The following FBRSL1 variants were observed in gnomAD, a reference collection of about 807,000 sequenced individuals.
FBRSL1 encodes the protein fibrosin like 1.
A neutral mutation model predicts 89.6 loss-of-function variants in FBRSL1; 51 were observed. That is an observed-to-expected ratio of 0.57 (90% CI 0.45 to 0.72). FBRSL1 has a LOEUF of 0.72. Ranked by LOEUF, FBRSL1 falls within the 30% of genes least tolerant of loss-of-function variation. The probability of loss-of-function intolerance (pLI) is 0.00; values close to 1 mark genes in which losing one functional copy is unlikely to be tolerated. For missense variants in FBRSL1, 1,618 were observed against 1,451.8 expected, an observed-to-expected ratio of 1.11 and a Z score of -1.86; for synonymous variants, 779 against 681.1, an observed-to-expected ratio of 1.14 and a Z score of -2.24.
chr12:132,501,006 C>A (rs946520483), intron 1 of FBRSL1, among the ~76,000 whole-genome samples: 1 of 152,252 alleles, frequency 6.6e-6, no homozygotes, highest in Non-Finnish European at 1.5e-5. Flanking sequence ...GTGCCTCTCC[C>A]CAGGGACCAT....
In FBRSL1 at chr12:132,571,073, A is replaced by C; in HGVS notation, c.1219A>C (p.Ser407Arg). ...GTGTTCTCTCTTGCCTCTAGATGCC[A>C]GCCTGGCGGTCTCATTCAGCCAGCC... Reference protein sequence around the residue: ...LVLPGHPADASLAVSFSQPIM... With the variant: ...LVLPGHPADARLAVSFSQPIM... Residue 407 changes from serine (S) to arginine (R), a missense_variant, in exon 9 of 19, where the codon AGC (serine) becomes CGC (arginine). Physicochemically the swap from Ser to Arg is moderately radical, Grantham distance 110. Coordinates refer to ENST00000680143, the MANE Select transcript of FBRSL1 (RefSeq NM_001367871.1). 1.5e-6 allele frequency: 2 copies of C among 1,343,712 alleles called. No homozygotes were observed. Among genetic ancestry groups the C allele is most frequent in the Non-Finnish European group, 9.5e-7 (1 of 1,050,376 alleles). The allele number at this position is 1,343,712 out of a possible 1,614,324, so 83.2% of individuals were successfully genotyped here.
At chr12:132,502,836 C>T (rs1332918940) in intron 1 of FBRSL1, among the ~76,000 whole-genome samples, 2 of 133,376 alleles carry the variant, frequency 1.5e-5, no homozygotes, top group South Asian at 2.7e-4. Flanking sequence ...TGTCCTCACC[C>T]TCTCCTGTCC....
intron 9 of FBRSL1, 174 bp downstream of exon 9, chr12:132,571,405 G>A (rs1397087335): frequency 6.4e-7 from 1 of 1,550,988 alleles, no homozygotes; most frequent in Admixed American, 2.0e-5. Flanking sequence ...GCTGCGGGCG[G>A]AGTTCCATCA....
chr12:132,581,510 C>G lies in FBRSL1; in HGVS notation c.1906C>G (p.Leu636Val), dbSNP rs745571815. ...TGGCAGCTTCCTGCCCACTGGCCCC[C>G]TGACAGGTGGGTGTCTCTGAATTCA... ...HPGSFLPTGP[L>V]TDPFSRPSTF... The change falls in exon 16 of 19, where the codon CTG becomes GTG. Residue 636 changes from leucine to valine, a missense_variant. Coordinates refer to ENST00000680143, the MANE Select transcript of FBRSL1 (RefSeq NM_001367871.1). 43 of 1,550,896 alleles carry G rather than the reference C, an allele frequency of 2.8e-5. No homozygotes were observed. Among genetic ancestry groups the G allele is most frequent in the Middle Eastern group, 3.3e-4 (2 of 6,008 alleles).
intron 18 of FBRSL1, among the ~76,000 whole-genome samples, chr12:132,582,745 G>A (rs1045582337): frequency 2.0e-5 from 3 of 152,134 alleles, no homozygotes; most frequent in African/African-American, 7.2e-5. Flanking sequence ...AGTCGCTGCA[G>A]GCGGCTCATC....
intron 4 of FBRSL1, among the ~76,000 whole-genome samples, chr12:132,535,242 C>T (rs1189681741): frequency 6.6e-6 from 1 of 152,248 alleles, no homozygotes; most frequent in Non-Finnish European, 1.5e-5. Flanking sequence ...ATACGGTCGG[C>T]TCCAAGAAAG....
At chr12:132,561,655 A>G (rs947545302) in intron 5 of FBRSL1, among the ~76,000 whole-genome samples, 5 of 152,084 alleles carry the variant, frequency 3.3e-5, no homozygotes, top group Admixed American at 2.0e-4. Flanking sequence ...CCCCAACCAC[A>G]GAGGGGGCAG....
intron 15 of FBRSL1, among the ~76,000 whole-genome samples, chr12:132,578,025 T>C (rs1299530224): frequency 6.6e-6 from 1 of 152,224 alleles, no homozygotes; most frequent in Non-Finnish European, 1.5e-5. Flanking sequence ...ACCACACAGT[T>C]GAAAATCCAG....
chr12:132,561,737 G>A (rs961276960), intron 5 of FBRSL1, among the ~76,000 whole-genome samples: 7 of 152,312 alleles, frequency 4.6e-5, no homozygotes, highest in South Asian at 2.1e-4. Flanking sequence ...GCCCGCGTGC[G>A]TGCCAGAGAC....
chr12:132,508,878 C>A (rs898803132), intron 2 of FBRSL1, among the ~76,000 whole-genome samples: 1 of 152,192 alleles, frequency 6.6e-6, no homozygotes. Flanking sequence ...CTGCCCTGCC[C>A]AGGGGCCTCC....
At chr12:132,513,362 G>A (rs2034542444) in intron 2 of FBRSL1, among the ~76,000 whole-genome samples, 1 of 152,126 alleles carries the variant, frequency 6.6e-6, no homozygotes, top group South Asian at 2.1e-4. Context: ...CTTGTGTCCT[G>A]GCTGCTGTAG....
chr12:132,496,152 AG>A (rs2031989884), intron 1 of FBRSL1, among the ~76,000 whole-genome samples: 1 of 152,178 alleles, frequency 6.6e-6, no homozygotes, highest in Admixed American at 6.5e-5. Flanking sequence ...CTTTGCCTGG[AG>A]GGGTCTCCCG....
intron 2 of FBRSL1, chr12:132,511,322 G>A (rs2034314780): frequency 1.0e-6 from 1 of 985,746 alleles, no homozygotes; most frequent in Non-Finnish European, 1.2e-6. Context: ...GTCCCCTGCA[G>A]CGTCCCGTCT....
intron 4 of FBRSL1, among the ~76,000 whole-genome samples, chr12:132,544,171 G>A (rs966086168): frequency 5.3e-5 from 8 of 152,206 alleles, no homozygotes; most frequent in African/African-American, 9.7e-5. Flanking sequence ...CCGAGCCTCG[G>A]TGCGGCTTAA....
chr12:132,544,716 G>A (rs946849377), intron 4 of FBRSL1, among the ~76,000 whole-genome samples: 1 of 152,064 alleles, frequency 6.6e-6, no homozygotes, highest in Non-Finnish European at 1.5e-5. Context: ...GTGTGAGGAT[G>A]GTGACGATGG....
chr12:132,574,234 ACAG>A, intron 12 of FBRSL1, 76 bp downstream of exon 12: 1 of 1,445,142 alleles, frequency 6.9e-7, no homozygotes. Context: ...GCTGGTGGCC[ACAG>A]CAGACGGGCT....
At chr12:132,536,387 G>T (rs1311618063) in intron 4 of FBRSL1, among the ~76,000 whole-genome samples, 1 of 151,710 alleles carries the variant, frequency 6.6e-6, no homozygotes, top group Non-Finnish European at 1.5e-5. Flanking sequence ...TGTGTGCCAT[G>T]TGTACATGAC....
chr12:132,542,326 G>A lies in FBRSL1; in HGVS notation c.616-5677G>A, dbSNP rs141189577. On this transcript the variant is annotated intron_variant, in intron 4 of 18. Coordinates refer to ENST00000680143, the MANE Select transcript of FBRSL1 (RefSeq NM_001367871.1). ...TCAGCCAGGGTGGGGCTTCCGCACC[G>A]GTGTTCCCAGCAGCTCGGCCTCTCA... 9.3e-3 allele frequency among the ~76,000 whole-genome samples: 1,412 copies of A among 152,348 alleles called. 6 individuals carry two copies. The highest frequency in any genetic ancestry group is 0.016 in the Non-Finnish European group (1,073 of 68,028).
At chr12:132,509,989 T>TGCTGCGCCCCAGGCAGCCCCA (rs1233280637) in intron 2 of FBRSL1, 12 of 1,231,408 alleles carry the variant, frequency 9.7e-6, no homozygotes, top group Non-Finnish European at 1.2e-5. Context: ...CGGCGGTCGC[T>TGCTGCGCCCCAGGCAGCCCCA]GCTGCGCCCC....
Sources: gnomAD v4.1 joint callset for allele counts (sites outside exome capture counted in the v4.1 genomes callset) on GRCh38, gnomAD v4.1.1 for gene constraint, MANE v1.5 for transcripts, NCBI Gene and HGNC (gene_info 2026-07-23, HGNC 2026-07-21) for gene names.